Variants in ATP8A1 observed in about 807,000 individuals in gnomAD.
ATP8A1 encodes phospholipid-transporting ATPase IA.
In ATP8A1, 90 loss-of-function variants were observed where a neutral mutation model predicts 177.7. The observed-to-expected ratio is 0.51, with a 90% confidence interval of 0.43 to 0.60. The LOEUF is 0.60. Ranked by LOEUF, ATP8A1 falls within the 20% of genes least tolerant of loss-of-function variation. ATP8A1 has a pLI of 0.00. For synonymous variants in ATP8A1, 493 were observed against 485.9 expected (o/e 1.01, Z -0.19); for missense variants, 1,072 against 1,392.8 (o/e 0.77, Z 3.67).
chr4:42,472,341 C>A, intron 25 of ATP8A1: 3 of 420,294 alleles, frequency 7.1e-6, no homozygotes, highest in South Asian at 2.0e-5. Context: ...AGCTCACAGG[C>A]GAGGATGTTA....
intron 24 of ATP8A1, among the ~76,000 whole-genome samples, chr4:42,497,718 T>G (rs1431424868): frequency 6.6e-6 from 1 of 152,236 alleles, no homozygotes; most frequent in Non-Finnish European, 1.5e-5. Flanking sequence ...ACCACGTACT[T>G]TGGCTTGCAG....
intron 5 of ATP8A1, among the ~76,000 whole-genome samples, chr4:42,611,358 A>G (rs1223445486): frequency 6.6e-6 from 1 of 152,202 alleles, no homozygotes; most frequent in Non-Finnish European, 1.5e-5. Flanking sequence ...TTTATTACTT[A>G]TTCTAATGCT....
intron 21 of ATP8A1, among the ~76,000 whole-genome samples, chr4:42,523,582 T>TA (rs2153198983): frequency 6.6e-6 from 1 of 152,104 alleles, no homozygotes; most frequent in East Asian, 1.9e-4. Context: ...TACTGGAGGG[T>TA]AGTCATGGGG....
intron 1 of ATP8A1, among the ~76,000 whole-genome samples, chr4:42,654,987 T>C (rs1265067981): frequency 6.6e-6 from 1 of 152,212 alleles, no homozygotes; most frequent in Non-Finnish European, 1.5e-5. Context: ...ATTATTTGTC[T>C]TCACCACAGT....
chr4:42,606,890 C>A (rs571570941), intron 5 of ATP8A1, among the ~76,000 whole-genome samples: 73 of 152,340 alleles, frequency 4.8e-4, no homozygotes, highest in African/African-American at 1.7e-3. Flanking sequence ...GCACTCCATA[C>A]TTTTACCAGC....
At chr4:42,643,289 G>A (rs1740192554) in intron 1 of ATP8A1, among the ~76,000 whole-genome samples, 2 of 152,172 alleles carry the variant, frequency 1.3e-5, no homozygotes, top group Non-Finnish European at 2.9e-5. Flanking sequence ...TGGAAATTCT[G>A]AAATCCAGAT....
chr4:42,448,396 C>CTTTACTTTTTTTTT (rs778022629), intron 30 of ATP8A1, among the ~76,000 whole-genome samples: 12,723 of 81,422 alleles, frequency 0.16, 3,334 homozygotes, highest in South Asian at 0.22. Flanking sequence ...CCTTCTCTTT[C>CTTTACTTTTTTTTT]TTTTCTTTTT....
intron 29 of ATP8A1, among the ~76,000 whole-genome samples, chr4:42,452,973 A>G (rs1456112822): frequency 6.6e-6 from 1 of 152,208 alleles, no homozygotes; most frequent in Non-Finnish European, 1.5e-5. Flanking sequence ...TCCCAGCCAC[A>G]CTGGATTGTA....
At position 42,555,138 on chromosome 4, in the gene ATP8A1, T is replaced by TATCTATCTATCTAATC. The variant is rs1178885818; in HGVS notation, c.1413+829_1413+830insGATTAGATAGATAGAT. Among the ~76,000 whole-genome samples the TATCTATCTATCTAATC allele has an allele frequency of 1.4e-4, 11 of 76,808 alleles. No homozygotes were observed. The East Asian group carries it at 3.7e-3, about 26-fold the overall frequency. The allele number at this position is 76,808 out of a possible 152,430, so 50.4% of individuals were successfully genotyped here. ...CTATCTATCTATCTATCTATCTATC[T>TATCTATCTATCTAATC]AATCTATCTATCTATCTATCTATCT... On this transcript the variant is annotated intron_variant, in intron 16 of 36. Transcript: ENST00000381668.
intron 3 of ATP8A1, chr4:42,625,030 A>C (rs887834088): frequency 6.6e-6 from 1 of 150,856 alleles, no homozygotes; most frequent in Non-Finnish European, 1.5e-5. Flanking sequence ...CGAAGTCAAT[A>C]AACGATGCTT....
intron 20 of ATP8A1, among the ~76,000 whole-genome samples, chr4:42,536,605 C>G (rs1186705729): frequency 6.6e-6 from 1 of 152,144 alleles, no homozygotes; most frequent in Non-Finnish European, 1.5e-5. Flanking sequence ...TTCTATGAAG[C>G]CACTATCCCC....
intron 5 of ATP8A1, among the ~76,000 whole-genome samples, chr4:42,605,688 C>A (rs570825190): frequency 1.3e-5 from 2 of 152,292 alleles, no homozygotes; most frequent in East Asian, 3.9e-4. Flanking sequence ...TTTCTCTCCA[C>A]ATTCAAACTT....
chr4:42,605,545 T>G (rs1167865053), intron 5 of ATP8A1, among the ~76,000 whole-genome samples: 1 of 152,140 alleles, frequency 6.6e-6, no homozygotes, highest in African/African-American at 2.4e-5. Flanking sequence ...CAATAACGGA[T>G]AGTGGAAGCC....
At chr4:42,511,246 C>G (rs1043588527) in intron 22 of ATP8A1, among the ~76,000 whole-genome samples, 3 of 152,050 alleles carry the variant, frequency 2.0e-5, no homozygotes, top group Non-Finnish European at 4.4e-5. Flanking sequence ...ATATAATGAT[C>G]ACTAGAAAAA....
intron 7 of ATP8A1, 97 bp downstream of exon 7, chr4:42,590,714 A>C: frequency 2.7e-6 from 3 of 1,105,424 alleles, no homozygotes; most frequent in Non-Finnish European, 4.1e-6. Flanking sequence ...GTTTTAAAGG[A>C]AGAGACACAG....
chr4:42,421,061 C>A (rs1278037089), intron 35 of ATP8A1, among the ~76,000 whole-genome samples: 1 of 152,160 alleles, frequency 6.6e-6, no homozygotes, highest in Non-Finnish European at 1.5e-5. Context: ...AGCCACCGCG[C>A]CTGGCCAGAA....
chr4:42,538,825 C>A (rs1238323754), intron 20 of ATP8A1, among the ~76,000 whole-genome samples: 1 of 152,134 alleles, frequency 6.6e-6, no homozygotes, highest in East Asian at 1.9e-4. Flanking sequence ...TAAACTAGTA[C>A]AACCACTATG....
At chr4:42,627,340 C>A (rs149111278) in intron 1 of ATP8A1, among the ~76,000 whole-genome samples, 2 of 152,286 alleles carry the variant, frequency 1.3e-5, no homozygotes, top group African/African-American at 2.4e-5. Context: ...CAAGACATAA[C>A]ATCAACTTTC....
chr4:42,643,569 CA>C (rs1302060699), intron 1 of ATP8A1, among the ~76,000 whole-genome samples: 1 of 152,052 alleles, frequency 6.6e-6, no homozygotes, highest in East Asian at 1.9e-4. Flanking sequence ...GAATCTTGAC[CA>C]CTCCCCATCA....
Sources: gnomAD v4.1 joint callset for allele counts (sites outside exome capture counted in the v4.1 genomes callset) on GRCh38, gnomAD v4.1.1 for gene constraint, MANE v1.5 for transcripts, NCBI Gene and HGNC (gene_info 2026-07-23, HGNC 2026-07-21) for gene names.